GAK: variants seen among roughly 807,000 people sequenced by gnomAD.
GAK encodes the protein cyclin G associated kinase, also known as cyclin-G-associated kinase.
Under a neutral mutation model 143.9 loss-of-function variants are expected in GAK, and 79 were observed. The ratio of observed to expected loss-of-function variants is 0.55; its 90% CI spans 0.46 to 0.66. The LOEUF (loss-of-function observed/expected upper bound fraction) is 0.66. Among genes scored for constraint, GAK ranks in the 30% least tolerant of loss-of-function variants. The pLI, the probability that GAK is intolerant of heterozygous loss-of-function variation, is 0.00. For synonymous variants in GAK, 881 were observed against 765.5 expected (o/e 1.15, Z -2.49); for missense variants, 1,693 against 1,779.7 (o/e 0.95, Z 0.88).
intron 1 of GAK, among the ~76,000 whole-genome samples, chr4:921,135 C>T (rs1414368453): frequency 1.3e-5 from 2 of 152,054 alleles, no homozygotes; most frequent in African/African-American, 4.8e-5. Context: ...CGGAGTCTCG[C>T]TCTGTCACCC....
chr4:906,235 A>T (rs529367338), intron 4 of GAK, among the ~76,000 whole-genome samples: 1 of 152,368 alleles, frequency 6.6e-6, no homozygotes, highest in Admixed American at 6.5e-5. Flanking sequence ...CGAGCCAGGC[A>T]TGTCATTAAC....
Position 878,499 on chromosome 4 carries a change from G to A in GAK, c.1662-690C>T, listed in dbSNP as rs748144916. On this transcript the variant is annotated intron_variant, in intron 15 of 27. Coordinates refer to ENST00000314167, the MANE Select transcript of GAK (RefSeq NM_005255.4). ...CCATGTGCATTTGAAAGAAATAAATGTGTGTTTTTCTATTGTTGGGTGGAA... is the reference window on the plus strand; with the variant it reads ...CCATGTGCATTTGAAAGAAATAAATATGTGTTTTTCTATTGTTGGGTGGAA... 7.0e-5 allele frequency among the ~76,000 whole-genome samples: 9 copies of A among 129,020 alleles called. No homozygotes were observed. In the East Asian group the frequency reaches 9.8e-4, roughly 14 times the overall value. The allele number at this position is 129,020 out of a possible 152,430, so 84.6% of individuals were successfully genotyped here. A position where few individuals can be genotyped will look rare whatever the true frequency, so the allele number is the denominator to read the frequency against.
intron 24 of GAK, 173 bp from the exon 25 acceptor site, chr4:852,147 G>A (rs918071688): frequency 1.7e-5 from 11 of 654,432 alleles, no homozygotes; most frequent in Non-Finnish European, 3.0e-5. Context: ...AAGGTCTCCA[G>A]GGGCTGGAGC....
At position 850,724 on chromosome 4, in the gene GAK, CT is replaced by C. The variant is rs201736600; in HGVS notation, c.3657+211del. 754 of 394,674 alleles carry C rather than the reference CT, an allele frequency of 1.9e-3. 2 individuals are homozygous for C. The highest frequency in any genetic ancestry group is 0.012 in the African/African-American group (583 of 49,270). 24.4% of individuals were successfully genotyped at this position (394,674 alleles called of 1,614,324 possible). On this transcript the variant is annotated intron_variant, in intron 26 of 27. Coordinates refer to ENST00000314167, the MANE Select transcript of GAK (RefSeq NM_005255.4). The stretch of plus-strand genomic sequence containing the variant: ...TGGGGCCTGACTCTGCCCTGCCCCC[CT>C]GGCCTCAGGCCACCCTGTCCTTGAG...
chr4:860,282 A>T (rs1750044763), intron 23 of GAK, among the ~76,000 whole-genome samples: 1 of 150,838 alleles, frequency 6.6e-6, no homozygotes. Context: ...CCAGGGGTTG[A>T]CGGCTGCAGT....
rs553557222 is a variant in GAK at position 895,692 on chromosome 4, C to T, written c.741+768G>A. On this transcript the variant is annotated intron_variant, in intron 7 of 27. Transcript: ENST00000314167. ...GTCAAAAGAACCACAAGGCAGGACA[C>T]CCTCCACGCGTGGTCACCCTCGGTC... Among the ~76,000 whole-genome samples the T allele has an allele frequency of 3.3e-5, 5 of 152,352 alleles. No individual in the cohort carries two copies. In the South Asian group the frequency reaches 1.0e-3, roughly 32 times the overall value.
intron 18 of GAK, among the ~76,000 whole-genome samples, chr4:874,771 G>A (rs1305681905): frequency 6.6e-6 from 1 of 151,996 alleles, no homozygotes. Flanking sequence ...GATTTTTCAA[G>A]TATTATTTCT....
At position 849,815 on chromosome 4, in the gene GAK, C is replaced by A. The variant is rs375489907; in HGVS notation, c.3835-41G>T. 3.3e-6 allele frequency: 5 copies of A among 1,493,242 alleles called. No homozygotes were observed. The South Asian group carries it at 6.0e-5, about 18-fold the overall frequency. 92.5% of individuals were successfully genotyped at this position (1,493,242 alleles called of 1,614,324 possible). On this transcript the variant is annotated intron_variant, in intron 27 of 27. Coordinates refer to ENST00000314167, the MANE Select transcript of GAK (RefSeq NM_005255.4). ...GGTGTAAGCGCCTCTTATAAGCATG[C>A]GGGGGCGGGCGGGGCAGGACCCCCC...
chr4:932,261 C>G lies in GAK; in HGVS notation c.-74G>C. 6.9e-7 allele frequency: 1 copy of G among 1,442,400 alleles called. No individual in the cohort carries two copies. Among genetic ancestry groups the G allele is most frequent in the Non-Finnish European group, 9.0e-7 (1 of 1,105,214 alleles). The allele number at this position is 1,442,400 out of a possible 1,614,324, so 89.4% of individuals were successfully genotyped here. The stretch of plus-strand genomic sequence containing the variant: ...GCTCCCGCTCCCTCGCCGTCCGGGT[C>G]AGCTCAGCAACCGCCGGCCCGGAGG... On this transcript the variant is annotated 5_prime_UTR_variant, in exon 1 of 28. Coordinates refer to ENST00000314167, the MANE Select transcript of GAK (RefSeq NM_005255.4). This position sits in a 1 kb window ranked among gnomAD's most constrained non-coding sequence, Gnocchi z 4.0.
Position 911,783 on chromosome 4 carries a change from T to C in GAK, c.272A>G (p.Lys91Arg). Residue 91 changes from lysine (K) to arginine (R), a missense_variant, in exon 4 of 28, where the codon AAG becomes AGG. Around this residue, in one of 2 missense-constraint regions of GAK, gnomAD observed 871 missense variants for 991.0 expected, o/e 0.88. Coordinates refer to ENST00000314167, the MANE Select transcript of GAK (RefSeq NM_005255.4). ...AIIQEVCFMK[K>R]LSGHPNIVQF... ...GACAATGTTCGGGTGGCCGGAAAGC[T>C]TTTTCTGCAGTTGTCTTGTTAAAGG... 6.2e-7 allele frequency: 1 copy of C among 1,612,694 alleles called. No individual in the cohort carries two copies. Among genetic ancestry groups the C allele is most frequent in the Non-Finnish European group, 8.5e-7 (1 of 1,178,866 alleles).
At chr4:886,944 A>C (rs1037365000) in intron 11 of GAK, 1 of 152,428 alleles carries the variant, frequency 6.6e-6, no homozygotes, top group Non-Finnish European at 1.5e-5. Flanking sequence ...TTGCACAAGG[A>C]CAAGGCACAC....
In GAK at chr4:877,162, G is replaced by A. The variant is rs758694293; in HGVS notation, c.1902C>T (p.Val634=). The part of the protein sequence containing the change: ...EDGKAVIPLG[V]TVQGDVLIVI... ...CGATGAGCACGTCTCCTTGCACCGT[G>A]ACGCCCAGGGGAATCACCGCTTTGC... is the stretch of plus-strand genomic sequence containing the variant. Residue 634 remains valine (V), a synonymous_variant, in exon 17 of 28, where the codon GTC becomes GTT. Coordinates refer to ENST00000314167, the MANE Select transcript of GAK (RefSeq NM_005255.4). 2 of 1,613,938 alleles carry A rather than the reference G, an allele frequency of 1.2e-6. No homozygotes were observed. Among genetic ancestry groups the A allele is most frequent in the Non-Finnish European group, 8.5e-7 (1 of 1,179,950 alleles).
Position 883,379 on chromosome 4 carries a change from G to A in GAK, c.1340C>T (p.Pro447Leu). The change falls in exon 13 of 28, where the codon CCA becomes CTA. Residue 447 changes from proline to leucine, a missense_variant. By Grantham distance (98) the Pro-to-Leu change is moderately conservative. This residue lies in a region of GAK where 871 missense variants were observed against 991.0 expected (regional missense o/e 0.88). Transcript: ENST00000314167. ...CAGGTTGTAGACGGCATAGTGCCCTGGGTGCTTGGAGTCCAGGAACAACCG... is the reference window on the plus strand; with the variant it reads ...CAGGTTGTAGACGGCATAGTGCCCTAGGTGCTTGGAGTCCAGGAACAACCG... ...DVRLFLDSKH[P>L]GHYAVYNLSP... 6.2e-7 allele frequency: 1 copy of A among 1,613,780 alleles called. No individual in the cohort carries two copies. Among genetic ancestry groups the A allele is most frequent in the Non-Finnish European group, 8.5e-7 (1 of 1,180,002 alleles).
At chr4:875,762 G>C (rs998095813) in intron 18 of GAK, among the ~76,000 whole-genome samples, 2 of 152,248 alleles carry the variant, frequency 1.3e-5, no homozygotes, top group Non-Finnish European at 2.9e-5. Context: ...GGCCAACATA[G>C]TGAAACCCAT....
At chr4:931,156 GTGA>G (rs1725665499) in intron 1 of GAK, among the ~76,000 whole-genome samples, 1 of 152,234 alleles carries the variant, frequency 6.6e-6, no homozygotes, top group Non-Finnish European at 1.5e-5. Context: ...ACTGGCACTG[GTGA>G]TCGATTCCGT....
chr4:904,484 T>A (rs1047310586), intron 5 of GAK, among the ~76,000 whole-genome samples, 153 bp downstream of exon 5: 1 of 145,746 alleles, frequency 6.9e-6, no homozygotes. Context: ...TTGAGGTCCC[T>A]GTGGATGATG....
intron 1 of GAK, among the ~76,000 whole-genome samples, chr4:918,486 CTG>C (rs1333463804): frequency 1.3e-5 from 2 of 152,250 alleles, no homozygotes; most frequent in African/African-American, 4.8e-5. Context: ...AAGAGATCCA[CTG>C]TACAACACGG....
At chr4:912,942 C>A (rs557149296) in intron 2 of GAK, 148 bp from the exon 3 acceptor site, 19 of 531,688 alleles carry the variant, frequency 3.6e-5, no homozygotes, top group African/African-American at 3.5e-4. Flanking sequence ...CACCTCTGAC[C>A]CCTGTAAAAA....
At position 926,873 on chromosome 4, in the gene GAK, CA is replaced by C. The variant is rs1477885918; in HGVS notation, c.145+5169del. ...CTCACCTGCGCTCCGCACTGCCCCG[CA>C]ACCCCCCCCACCCCGCTCACCTGCG... is the stretch of plus-strand genomic sequence containing the variant. On this transcript the variant is annotated intron_variant, in intron 1 of 27. Coordinates refer to ENST00000314167, the MANE Select transcript of GAK (RefSeq NM_005255.4). 3.0e-4 allele frequency among the ~76,000 whole-genome samples: 29 copies of C among 95,906 alleles called. 2 individuals carry two copies. The highest frequency in any genetic ancestry group is 1.1e-3 in the East Asian group (3 of 2,650). 62.9% of individuals were successfully genotyped at this position (95,906 alleles called of 152,430 possible).
Sources: allele counts gnomAD v4.1 joint callset (sites outside exome capture counted in the v4.1 genomes callset), GRCh38; gene constraint gnomAD v4.1.1; regional missense constraint gnomAD v4.1.1; non-coding constraint Gnocchi (gnomAD v3.1); transcripts MANE v1.5; gene names NCBI Gene and HGNC (gene_info 2026-07-23, HGNC 2026-07-21).